Variants in MRTFA observed in about 807,000 individuals in gnomAD.
The protein encoded by MRTFA is myocardin-related transcription factor A.
A neutral mutation model predicts 83.5 loss-of-function variants in MRTFA; 20 were observed. That is an observed-to-expected ratio of 0.24 (90% CI 0.17 to 0.35). The LOEUF (loss-of-function observed/expected upper bound fraction) is 0.35, where lower values mean the gene tolerates loss of function less well. Among genes scored for constraint, MRTFA ranks in the 10% least tolerant of loss-of-function variants. The pLI, the probability that MRTFA is intolerant of heterozygous loss-of-function variation, is 1.00. For missense variants in MRTFA, 1,200 were observed against 1,224.7 expected (o/e 0.98, Z 0.30); for synonymous variants, 659 against 541.2 (o/e 1.22, Z -3.02).
Position 40,527,923 on chromosome 22 carries a change from G to GA in MRTFA, c.241+24182dup, listed in dbSNP as rs111277270. Among the ~76,000 whole-genome samples the GA allele has an allele frequency of 7.5e-3, 1,139 of 151,010 alleles. 23 individuals carry two copies. Among genetic ancestry groups the GA allele is most frequent in the Middle Eastern group, 0.068 (20 of 292 alleles). On this transcript the variant is annotated intron_variant, in intron 3 of 14. Transcript: ENST00000355630. ...TCATCCAAAAAGAAACAAAAAGGAG[G>GA]AAAAAAAAAGATGCAGACTGACAAA...
rs962759868 is a variant in MRTFA, at chr22:40,419,484, G to C, written c.1354-100C>G. 12 of 1,049,616 alleles carry C rather than the reference G, an allele frequency of 1.1e-5. 1 individual carries two copies. The highest frequency in any genetic ancestry group is 7.1e-6 in the Non-Finnish European group (5 of 708,102). The allele number at this position is 1,049,616 out of a possible 1,614,324, so 65.0% of individuals were successfully genotyped here. A position where few individuals can be genotyped will look rare whatever the true frequency, so the allele number is the denominator to read the frequency against. ...CTGGGCCCCATGGGCCACTGCAGAT[G>C]CATCAACTACCCTAATCCTCCAGCA... On this transcript the variant is annotated intron_variant, in intron 11 of 14. Transcript: ENST00000355630.
intron 3 of MRTFA, among the ~76,000 whole-genome samples, chr22:40,467,777 C>A (rs2053833921): frequency 6.6e-6 from 1 of 152,094 alleles, no homozygotes; most frequent in Non-Finnish European, 1.5e-5. Flanking sequence ...TTCCCCAAGC[C>A]AATAAAGACT....
chr22:40,465,514 C>A (rs1347392921), intron 3 of MRTFA, among the ~76,000 whole-genome samples: 1 of 152,120 alleles, frequency 6.6e-6, no homozygotes, highest in Non-Finnish European at 1.5e-5. Flanking sequence ...GTTTTACATT[C>A]TTTTATATTT....
chr22:40,581,582 T>G (rs562097870), intron 2 of MRTFA, among the ~76,000 whole-genome samples: 1 of 152,320 alleles, frequency 6.6e-6, no homozygotes, highest in South Asian at 2.1e-4. Context: ...TTTATAGTTT[T>G]ATTAGGTATA....
intron 3 of MRTFA, among the ~76,000 whole-genome samples, chr22:40,502,059 G>C (rs1355011828): frequency 3.6e-5 from 5 of 140,266 alleles, no homozygotes; most frequent in South Asian, 2.3e-4. Context: ...TCCCGGACGG[G>C]GTGGCTGGCC....
chr22:40,512,893 G>A (rs554424593), intron 3 of MRTFA, among the ~76,000 whole-genome samples: 15 of 152,294 alleles, frequency 9.8e-5, no homozygotes, highest in African/African-American at 3.6e-4. Flanking sequence ...AACTTTAACT[G>A]ATCCATCTTT....
chr22:40,570,197 C>CT (rs1476123954), intron 2 of MRTFA, among the ~76,000 whole-genome samples: 1 of 152,064 alleles, frequency 6.6e-6, no homozygotes, highest in African/African-American at 2.4e-5. Context: ...TCCAGCCTCC[C>CT]TTGCAGCTAA....
chr22:40,532,300 G>T (rs2055095530), intron 3 of MRTFA, among the ~76,000 whole-genome samples: 2 of 152,220 alleles, frequency 1.3e-5, no homozygotes, highest in African/African-American at 4.8e-5. Flanking sequence ...AAAAGGGAGA[G>T]AGTTCAAATG....
chr22:40,516,921 CTTTT>C (rs922275781), intron 3 of MRTFA, among the ~76,000 whole-genome samples: 2 of 148,732 alleles, frequency 1.3e-5, no homozygotes, highest in African/African-American at 4.9e-5. Context: ...TAATTTTTTT[CTTTT>C]TTTTTTCCTT....
chr22:40,552,084 C>T (rs181227766), intron 3 of MRTFA, 22 bp downstream of exon 3: 3 of 398,150 alleles, frequency 7.5e-6, no homozygotes, highest in Admixed American at 4.4e-5. Flanking sequence ...TCAGGGAATG[C>T]AATAATTCTG....
At chr22:40,596,376 A>G (rs1261674740) in intron 1 of MRTFA, among the ~76,000 whole-genome samples, 1 of 152,212 alleles carries the variant, frequency 6.6e-6, no homozygotes, top group Non-Finnish European at 1.5e-5. Context: ...TAAGCAGTCC[A>G]CCTCAACAGA....
At chr22:40,633,177 T>C (rs989594315) in intron 1 of MRTFA, among the ~76,000 whole-genome samples, 1 of 152,218 alleles carries the variant, frequency 6.6e-6, no homozygotes, top group Non-Finnish European at 1.5e-5. Context: ...ATGTTTCTTA[T>C]GTTTGTCAAT....
intron 1 of MRTFA, among the ~76,000 whole-genome samples, chr22:40,625,440 G>A (rs5750972): frequency 0.42 from 62,418 of 149,370 alleles, 14,076 homozygotes; most frequent in East Asian, 0.87. Context: ...ACATAGCAAG[G>A]CCCTCTCTCT....
intron 2 of MRTFA, among the ~76,000 whole-genome samples, chr22:40,578,068 C>T (rs2055893529): frequency 6.6e-6 from 1 of 152,052 alleles, no homozygotes; most frequent in South Asian, 2.1e-4. Flanking sequence ...ATTCTCCTGC[C>T]TCAGCCTCCC....
intron 3 of MRTFA, among the ~76,000 whole-genome samples, chr22:40,499,646 T>A (rs2054422095): frequency 6.6e-6 from 1 of 152,166 alleles, no homozygotes; most frequent in Admixed American, 6.5e-5. Flanking sequence ...TATAATTACA[T>A]CCTCAAAAAT....
chr22:40,446,592 G>A (rs2053382356), intron 4 of MRTFA, among the ~76,000 whole-genome samples: 1 of 152,148 alleles, frequency 6.6e-6, no homozygotes, highest in Admixed American at 6.5e-5. Flanking sequence ...AAAGCCTGTA[G>A]ACAGAAAGAC....
chr22:40,441,276 G>T (rs887762874), intron 4 of MRTFA, among the ~76,000 whole-genome samples: 34 of 152,302 alleles, frequency 2.2e-4, no homozygotes, highest in African/African-American at 8.2e-4. Context: ...ATGAACAGAA[G>T]TGGCCAAGAG....
At chr22:40,493,562 A>G (rs1272765573) in intron 3 of MRTFA, among the ~76,000 whole-genome samples, 1 of 152,236 alleles carries the variant, frequency 6.6e-6, no homozygotes, top group Non-Finnish European at 1.5e-5. Context: ...ATGAAAGAGG[A>G]AAAATTTACA....
intron 14 of MRTFA, chr22:40,412,644 T>C (rs1449489355): frequency 6.6e-6 from 1 of 152,172 alleles, no homozygotes; most frequent in African/African-American, 2.4e-5. Context: ...CAATTCATGA[T>C]TGCACTTAGT....
Sources: gnomAD v4.1 joint callset for allele counts (sites outside exome capture counted in the v4.1 genomes callset) on GRCh38, gnomAD v4.1.1 for gene constraint, MANE v1.5 for transcripts, NCBI Gene and HGNC (gene_info 2026-07-23, HGNC 2026-07-21) for gene names.